Variants in GPC5 observed in about 807,000 individuals in gnomAD.
GPC5 encodes the protein glypican 5.
Under a neutral mutation model 53.9 loss-of-function variants are expected in GPC5, and 47 were observed. That is an observed-to-expected ratio of 0.87 (90% CI 0.69 to 1.11). GPC5 has a LOEUF of 1.11. Among genes scored for constraint, GPC5 ranks in the 50% most tolerant of loss-of-function variants. GPC5 has a pLI of 0.00. For synonymous variants in GPC5, 286 were observed against 263.3 expected, an observed-to-expected ratio of 1.09 and a Z score of -0.84; for missense variants, 748 against 713.1, an observed-to-expected ratio of 1.05 and a Z score of -0.56.
intron 6 of GPC5, among the ~76,000 whole-genome samples, chr13:91,960,166 TA>T (rs35307972): frequency 0.61 from 89,942 of 146,936 alleles, 27,424 homozygotes; most frequent in East Asian, 0.75. Flanking sequence ...GATCTTATTC[TA>T]AAAAAAAAAA....
At chr13:91,837,106 A>G (rs933655731) in intron 5 of GPC5, among the ~76,000 whole-genome samples, 1 of 150,926 alleles carries the variant, frequency 6.6e-6, no homozygotes, top group African/African-American at 2.4e-5. Context: ...AGAGAAATAT[A>G]CATATATCTC....
At chr13:91,594,792 C>G (rs1278561168) in intron 2 of GPC5, among the ~76,000 whole-genome samples, 1 of 151,952 alleles carries the variant, frequency 6.6e-6, no homozygotes, top group Admixed American at 6.6e-5. Context: ...AATCCTCTCA[C>G]CTCAGCCTCT....
intron 6 of GPC5, among the ~76,000 whole-genome samples, chr13:92,098,699 T>C (rs1213858945): frequency 2.0e-5 from 3 of 152,188 alleles, no homozygotes; most frequent in Non-Finnish European, 4.4e-5. Flanking sequence ...GACTTTAATA[T>C]AGCAACATTA....
chr13:91,407,632 G>T (rs189321079), intron 1 of GPC5, among the ~76,000 whole-genome samples: 3 of 152,126 alleles, frequency 2.0e-5, no homozygotes, highest in Admixed American at 6.5e-5. Context: ...AAATAATTCA[G>T]CTTTTCTGTG....
At chr13:91,458,417 G>A (rs934908168) in intron 2 of GPC5, among the ~76,000 whole-genome samples, 1 of 152,002 alleles carries the variant, frequency 6.6e-6, no homozygotes, top group Non-Finnish European at 1.5e-5. Flanking sequence ...AACATTCCCC[G>A]CCAAGAGCTG....
At chr13:92,791,478 G>T (rs1292419489) in intron 7 of GPC5, among the ~76,000 whole-genome samples, 2 of 151,742 alleles carry the variant, frequency 1.3e-5, no homozygotes, top group Non-Finnish European at 2.9e-5. Flanking sequence ...AGGGACAATA[G>T]TAGTCATCCA....
At chr13:92,260,997 A>T (rs956216494) in intron 7 of GPC5, among the ~76,000 whole-genome samples, 1 of 152,212 alleles carries the variant, frequency 6.6e-6, no homozygotes, top group African/African-American at 2.4e-5. Flanking sequence ...ACTGGGAATT[A>T]TACATCATAA....
At chr13:91,820,760 G>A (rs1479524470) in intron 5 of GPC5, among the ~76,000 whole-genome samples, 6 of 152,054 alleles carry the variant, frequency 3.9e-5, no homozygotes, top group Non-Finnish European at 7.4e-5. Context: ...TCAGGAGATC[G>A]AGACCATCCT....
intron 6 of GPC5, among the ~76,000 whole-genome samples, chr13:92,082,143 G>A (rs931107491): frequency 2.0e-5 from 3 of 152,018 alleles, no homozygotes; most frequent in Non-Finnish European, 4.4e-5. Context: ...GTCTGTGAAG[G>A]AAATCATTTC....
chr13:91,722,530 G>A (rs1023683533), intron 3 of GPC5, among the ~76,000 whole-genome samples: 2 of 152,284 alleles, frequency 1.3e-5, no homozygotes, highest in Admixed American at 1.3e-4. Context: ...AAATAGCAAC[G>A]TGGAATCAAG....
intron 6 of GPC5, among the ~76,000 whole-genome samples, chr13:92,054,571 A>T (rs772929897): frequency 2.0e-5 from 3 of 152,216 alleles, no homozygotes; most frequent in Non-Finnish European, 4.4e-5. Flanking sequence ...AGCCCAAGTT[A>T]TAACCCACAT....
At chr13:92,733,550 T>C (rs1416986888) in intron 7 of GPC5, among the ~76,000 whole-genome samples, 2 of 151,700 alleles carry the variant, frequency 1.3e-5, no homozygotes, top group Non-Finnish European at 2.9e-5. Context: ...TTAAAACAAG[T>C]TGTGTGAAAA....
chr13:92,834,805 C>T (rs952020754), intron 7 of GPC5, among the ~76,000 whole-genome samples: 1 of 152,056 alleles, frequency 6.6e-6, no homozygotes, highest in East Asian at 1.9e-4. Flanking sequence ...TACTGCTGAT[C>T]CAGCCACTAA....
intron 2 of GPC5, among the ~76,000 whole-genome samples, chr13:91,613,253 TG>T (rs1193813943): frequency 2.0e-5 from 3 of 152,176 alleles, no homozygotes; most frequent in Non-Finnish European, 4.4e-5. Flanking sequence ...TCCATGTGGC[TG>T]GGGAGGTCTC....
At chr13:91,628,247 C>T (rs1345466258) in intron 2 of GPC5, among the ~76,000 whole-genome samples, 1 of 123,544 alleles carries the variant, frequency 8.1e-6, no homozygotes. Context: ...AGTGCTTTGT[C>T]CTAGTTATAG....
At chr13:91,519,880 A>G (rs1885710092) in intron 2 of GPC5, among the ~76,000 whole-genome samples, 1 of 6,506 alleles carries the variant, frequency 1.5e-4, no homozygotes, top group African/African-American at 2.6e-4. Flanking sequence ...TTAGGTTGAA[A>G]ATGGAAAAAA....
chr13:92,295,706 T>C (rs2043029709), intron 7 of GPC5, among the ~76,000 whole-genome samples: 1 of 152,262 alleles, frequency 6.6e-6, no homozygotes, highest in African/African-American at 2.4e-5. Context: ...TATCATTATA[T>C]AATGTCCCTC....
In GPC5 at chr13:91,583,292, TATATATTC is replaced by T. The variant is rs1324447340; in HGVS notation, c.326-109894_326-109887del. 2.0e-5 allele frequency among the ~76,000 whole-genome samples: 3 copies of T among 152,192 alleles called. 1 individual carries two copies. The highest frequency in any genetic ancestry group is 2.0e-4 in the Admixed American group (3 of 15,278). ...AACTATTATTCACTGACAATATGTT[TATATATTC>T]CATGATGTATATTTGAACTATTAAA... On this transcript the variant is annotated intron_variant, in intron 2 of 7. Coordinates refer to ENST00000377067, the MANE Select transcript of GPC5 (RefSeq NM_004466.6).
chr13:92,086,083 T>C (rs2041333614), intron 6 of GPC5, among the ~76,000 whole-genome samples: 1 of 152,186 alleles, frequency 6.6e-6, no homozygotes. Flanking sequence ...TCACACTGTG[T>C]GGCCTTCTGC....
Sources: allele counts gnomAD v4.1 joint callset (sites outside exome capture counted in the v4.1 genomes callset), GRCh38; gene constraint gnomAD v4.1.1; transcripts MANE v1.5; gene names NCBI Gene and HGNC (gene_info 2026-07-23, HGNC 2026-07-21).